VBP1: variants seen among roughly 807,000 people sequenced by gnomAD.
VBP1 encodes the protein prefoldin subunit 3.
In VBP1, 4 loss-of-function variants were observed where a neutral mutation model predicts 15.5. The ratio of observed to expected loss-of-function variants is 0.26; its 90% confidence interval spans 0.13 to 0.59. The LOEUF (loss-of-function observed/expected upper bound fraction) is 0.59, where lower values mean the gene tolerates loss of function less well. Ranked by LOEUF, VBP1 falls within the 20% of genes least tolerant of loss-of-function variation. The pLI is 0.90. For synonymous variants in VBP1, 61 were observed against 52.1 expected (o/e 1.17, Z -0.74); for missense variants, 108 against 139.6 (o/e 0.77, Z 1.14).
chrX:155,228,578 G>C, intron 4 of VBP1, 96 bp downstream of exon 4: 1 of 694,877 alleles, frequency 1.4e-6, no homozygotes, highest in Non-Finnish European at 2.2e-6. Flanking sequence ...TAGTATTTTA[G>C]TAGTATTGCT....
chrX:155,227,982 A>G (rs1311003744), intron 3 of VBP1, among the ~76,000 whole-genome samples: 1 of 112,171 alleles, frequency 8.9e-6, no homozygotes, highest in Non-Finnish European at 1.9e-5. Flanking sequence ...CAACTGATTG[A>G]TTGGGCATGA....
chrX:155,229,537 T>G (rs1429673223), intron 4 of VBP1, among the ~76,000 whole-genome samples: 1 of 112,345 alleles, frequency 8.9e-6, no homozygotes, highest in African/African-American at 3.2e-5. Flanking sequence ...CTGTTTTCAG[T>G]TATTCGATGT....
intron 5 of VBP1, among the ~76,000 whole-genome samples, chrX:155,237,278 C>T (rs2074778309): frequency 9.0e-6 from 1 of 110,888 alleles, no homozygotes; most frequent in South Asian, 3.9e-4. Flanking sequence ...ACACTTCTCT[C>T]TTCCTCACTA....
At chrX:155,197,922 C>T (rs185937506) in intron 1 of VBP1, among the ~76,000 whole-genome samples, 5,062 of 112,322 alleles carry the variant, frequency 0.045, 183 homozygotes, top group Non-Finnish European at 0.072. Context: ...TGTGCTTTTC[C>T]GATGGGCTTA....
At chrX:155,215,287 A>G (rs2074658452), upstream of VBP1, among the ~76,000 whole-genome samples, 1 of 111,366 alleles carries the variant, frequency 9.0e-6, no homozygotes. Flanking sequence ...TAGAATTCCC[A>G]TATACTTTTC....
chrX:155,210,468 T>C (rs2074640908), intron 2 of VBP1, among the ~76,000 whole-genome samples: 1 of 111,324 alleles, frequency 9.0e-6, no homozygotes, highest in Non-Finnish European at 1.9e-5. Flanking sequence ...AAAAAGCACA[T>C]ATGCCATGTG....
intron 5 of VBP1, among the ~76,000 whole-genome samples, chrX:155,237,587 T>C (rs1169544219): frequency 8.9e-6 from 1 of 111,736 alleles, no homozygotes; most frequent in Non-Finnish European, 1.9e-5. Flanking sequence ...CTTTCCCCAG[T>C]GCATTCCAGG....
In VBP1 at chrX:155,220,437, T is replaced by C. The variant is rs1257204630; in HGVS notation, c.218+130T>C. 4 of 522,740 alleles carry C rather than the reference T, an allele frequency of 7.7e-6. No individual in the cohort carries two copies. The Admixed American group carries it at 1.6e-4, about 21-fold the overall frequency. The allele number at this position is 522,740 out of a possible 1,213,427, so 43.1% of individuals were successfully genotyped here. A position where few individuals can be genotyped will look rare whatever the true frequency, so the allele number is the denominator to read the frequency against. On this transcript the variant is annotated intron_variant, in intron 2 of 5. Coordinates refer to ENST00000286428, the MANE Select transcript of VBP1 (RefSeq NM_003372.7). The stretch of plus-strand genomic sequence containing the variant: ...AGTCCTCCAAGGTGGCTGTACCATA[T>C]GAAATTCCCACCAGCAACGTACAAG...
chrX:155,228,353 T>C (rs782427961), intron 3 of VBP1, 31 bp from the exon 4 acceptor site: 4 of 1,113,800 alleles, frequency 3.6e-6, no homozygotes, highest in East Asian at 6.2e-5. Flanking sequence ...GGCCTGTTTA[T>C]GGTACTGTCA....
intron 1 of VBP1, among the ~76,000 whole-genome samples, chrX:155,203,534 C>T (rs1410576591): frequency 2.0e-5 from 2 of 102,011 alleles, no homozygotes; most frequent in African/African-American, 7.3e-5. Context: ...ACCGCATGTT[C>T]TCACTCATAG....
chrX:155,236,179 A>G (rs1602897806), intron 4 of VBP1, 50 bp from the exon 5 acceptor site: 3 of 1,173,861 alleles, frequency 2.6e-6, no homozygotes, highest in South Asian at 3.9e-5. Context: ...ACTCTAACCT[A>G]TAAAGCTCTG....
chrX:155,208,148 C>T (rs977618882), intron 1 of VBP1, among the ~76,000 whole-genome samples: 16 of 112,009 alleles, frequency 1.4e-4, no homozygotes, highest in African/African-American at 4.2e-4. Context: ...CAATGAGGGT[C>T]CATTTAATGG....
At chrX:155,234,117 T>G (rs2074759819) in intron 4 of VBP1, among the ~76,000 whole-genome samples, 1 of 84,162 alleles carries the variant, frequency 1.2e-5, no homozygotes, top group Non-Finnish European at 2.3e-5. Flanking sequence ...CTGTTTTTTT[T>G]TTTTTTTTTT....
chrX:155,225,811 A>G (rs189964762), intron 2 of VBP1, among the ~76,000 whole-genome samples: 55 of 111,912 alleles, frequency 4.9e-4, no homozygotes, highest in African/African-American at 1.7e-3. Context: ...TGAGCAATCT[A>G]TGGCATCCAG....
chrX:155,215,095 A>G (rs781928636), upstream of VBP1, among the ~76,000 whole-genome samples: 7 of 111,619 alleles, frequency 6.3e-5, no homozygotes, highest in Non-Finnish European at 1.3e-4. Context: ...AATATTTCCT[A>G]AAGTTTGAAG....
intron 1 of VBP1, among the ~76,000 whole-genome samples, chrX:155,203,665 C>T (rs187589278): frequency 0.014 from 1,454 of 106,995 alleles, 17 homozygotes; most frequent in Middle Eastern, 0.019. Flanking sequence ...TGCTAAATGA[C>T]GAGTTAATGG....
intron 5 of VBP1, 50 bp from the exon 6 acceptor site, chrX:155,238,722 A>G: frequency 1.9e-6 from 2 of 1,029,039 alleles, no homozygotes; most frequent in Non-Finnish European, 2.7e-6. Flanking sequence ...TAGTCATTGC[A>G]TGCATTATCT....
At chrX:155,224,689 G>A in intron 2 of VBP1, among the ~76,000 whole-genome samples, 1 of 112,166 alleles carries the variant, frequency 8.9e-6, no homozygotes, top group East Asian at 2.8e-4. Context: ...CCTTCAAGCT[G>A]TGTAAAAGTT....
upstream of VBP1, chrX:155,213,365 G>C (rs1557308687): frequency 3.6e-5 from 4 of 112,068 alleles, no homozygotes; most frequent in Admixed American, 3.8e-4. Flanking sequence ...AGGATTTGCA[G>C]CTCTTCAGAG....
Sources: gnomAD v4.1 joint callset for allele counts (sites outside exome capture counted in the v4.1 genomes callset) on GRCh38, gnomAD v4.1.1 for gene constraint, MANE v1.5 for transcripts, NCBI Gene and HGNC (gene_info 2026-07-23, HGNC 2026-07-21) for gene names.